Variants in CAMK1D observed in about 807,000 individuals in gnomAD.
CAMK1D encodes calcium/calmodulin-dependent protein kinase type 1D.
Under a neutral mutation model 47.7 loss-of-function variants are expected in CAMK1D, and 9 were observed. The ratio of observed to expected loss-of-function variants is 0.19; its 90% CI spans 0.11 to 0.33. The LOEUF (loss-of-function observed/expected upper bound fraction) is 0.33, where lower values mean the gene tolerates loss of function less well. CAMK1D is among the 10% of genes least tolerant of loss of function. The pLI is 1.00. For missense variants in CAMK1D, 291 were observed against 488.7 expected (o/e 0.60, Z 3.81); for synonymous variants, 184 against 184.9 (o/e 0.99, Z 0.04).
rs57291391 is a variant in CAMK1D at position 12,461,687 on chromosome 10, CAAAAA to C, written c.93-91522_93-91518del. On this transcript the variant is annotated intron_variant, in intron 1 of 10. Transcript: ENST00000619168. ...CTGGTGACAGAGCGAGGCTTCATCT[CAAAAA>C]AAAAAAAAAAAAAAAGAAGCTTTCA... Among the ~76,000 whole-genome samples the C allele has an allele frequency of 6.3e-3, 566 of 90,384 alleles. 2 individuals carry two copies. Among genetic ancestry groups the C allele is most frequent in the African/African-American group, 0.022 (540 of 24,470 alleles). 59.3% of individuals were successfully genotyped at this position (90,384 alleles called of 152,430 possible).
intron 3 of CAMK1D, among the ~76,000 whole-genome samples, chr10:12,744,724 C>G (rs1588877741): frequency 6.8e-6 from 1 of 146,306 alleles, no homozygotes; most frequent in East Asian, 2.0e-4. Flanking sequence ...GAGTTGGTCT[C>G]TACAAAAATA....
intron 1 of CAMK1D, among the ~76,000 whole-genome samples, chr10:12,476,075 C>T (rs375383070): frequency 4.6e-5 from 7 of 152,058 alleles, no homozygotes; most frequent in Non-Finnish European, 7.4e-5. Flanking sequence ...GGGCGGATCA[C>T]GAGTTCAGGA....
chr10:12,419,006 A>G (rs1304842836), intron 1 of CAMK1D, among the ~76,000 whole-genome samples: 1 of 152,178 alleles, frequency 6.6e-6, no homozygotes, highest in African/African-American at 2.4e-5. Flanking sequence ...GCCTGTTTCA[A>G]CATTGGTGCT....
At chr10:12,434,309 C>T (rs1286783798) in intron 1 of CAMK1D, among the ~76,000 whole-genome samples, 2 of 152,190 alleles carry the variant, frequency 1.3e-5, no homozygotes, top group Non-Finnish European at 2.9e-5. Context: ...ACTTGTGACC[C>T]CAGGTAAGCC....
chr10:12,355,806 C>T lies in CAMK1D; in HGVS notation c.92+5896C>T, dbSNP rs534500136. The stretch of plus-strand genomic sequence containing the variant: ...TGCTATATTCTAGGCACCGAGGAGA[C>T]GGCAGTGAGCAGACGAGAATGCCTG... On this transcript the variant is annotated intron_variant, in intron 1 of 10. Coordinates refer to ENST00000619168, the MANE Select transcript of CAMK1D (RefSeq NM_153498.4). Among the ~76,000 whole-genome samples the T allele has an allele frequency of 2.8e-4, 43 of 152,200 alleles. 1 individual carries two copies. The highest frequency in any genetic ancestry group is 9.6e-4 in the African/African-American group (40 of 41,524).
intron 1 of CAMK1D, among the ~76,000 whole-genome samples, chr10:12,490,058 AG>A (rs1427937671): frequency 6.6e-6 from 1 of 151,988 alleles, no homozygotes; most frequent in Admixed American, 6.6e-5. Context: ...GGAGCAGGGG[AG>A]GGCAAGGGTG....
chr10:12,824,979 C>G (rs1050187575), intron 9 of CAMK1D, among the ~76,000 whole-genome samples: 19 of 152,122 alleles, frequency 1.2e-4, no homozygotes, highest in Non-Finnish European at 2.2e-4. Flanking sequence ...ACTTCCTAAT[C>G]TCTTGATTAC....
intron 2 of CAMK1D, among the ~76,000 whole-genome samples, chr10:12,617,264 A>G (rs973600301): frequency 1.3e-5 from 2 of 152,196 alleles, no homozygotes; most frequent in Non-Finnish European, 2.9e-5. Context: ...AAAATGTTGT[A>G]ATTTTTTCAC....
At chr10:12,790,311 T>G (rs937853851) in intron 5 of CAMK1D, among the ~76,000 whole-genome samples, 3 of 152,304 alleles carry the variant, frequency 2.0e-5, no homozygotes, top group African/African-American at 7.2e-5. Context: ...AAGCAGGAAT[T>G]TCAGAGGGTA....
In CAMK1D at chr10:12,553,304, G is replaced by A; in HGVS notation, c.172G>A (p.Ala58Thr). Residue 58 changes from alanine (A) to threonine (T), a missense_variant, in exon 2 of 11, where the codon GCG (alanine) becomes ACG (threonine). By Grantham distance (58) the Ala-to-Thr change is moderately conservative. Coordinates refer to ENST00000619168, the MANE Select transcript of CAMK1D (RefSeq NM_153498.4). ...TGCTGTGAAGTGTATCCCTAAGAAG[G>A]CGCTGAAGGGCAAGGAAAGCAGCAT... ...LFAVKCIPKK[A>T]LKGKESSIEN... 6.2e-7 allele frequency: 1 copy of A among 1,614,170 alleles called. No individual in the cohort carries two copies. The highest frequency in any genetic ancestry group is 8.5e-7 in the Non-Finnish European group (1 of 1,180,038).
intron 2 of CAMK1D, among the ~76,000 whole-genome samples, chr10:12,658,657 C>A (rs1840186509): frequency 6.6e-6 from 1 of 152,078 alleles, no homozygotes; most frequent in South Asian, 2.1e-4. Context: ...GAGGAATGCA[C>A]CGGCAGACCC....
intron 2 of CAMK1D, among the ~76,000 whole-genome samples, chr10:12,642,452 A>G (rs1025968541): frequency 1.3e-5 from 2 of 152,248 alleles, no homozygotes; most frequent in South Asian, 2.1e-4. Flanking sequence ...GCTGCTGAGC[A>G]GTGGATTGTG....
chr10:12,552,641 A>G lies in CAMK1D; in HGVS notation c.93-584A>G, dbSNP rs1273008484. ...AGTGACGCCACTGTGTTGTGTGGCA[A>G]GTGGTACCGGGAGGTGGCCTAACTG... On this transcript the variant is annotated intron_variant, in intron 1 of 10. Coordinates refer to ENST00000619168, the MANE Select transcript of CAMK1D (RefSeq NM_153498.4). Among the ~76,000 whole-genome samples the G allele has an allele frequency of 4.6e-5, 7 of 152,336 alleles. No homozygotes were observed. The East Asian group carries it at 7.7e-4, about 17-fold the overall frequency.
At chr10:12,617,285 G>T (rs11257917) in intron 2 of CAMK1D, among the ~76,000 whole-genome samples, 54,393 of 152,086 alleles carry the variant, frequency 0.36, 11,866 homozygotes, top group Non-Finnish European at 0.46. Flanking sequence ...AACAAGAAAA[G>T]TAATGTGTAT....
chr10:12,394,101 A>G (rs934310982), intron 1 of CAMK1D, among the ~76,000 whole-genome samples: 2 of 152,156 alleles, frequency 1.3e-5, no homozygotes, highest in African/African-American at 4.8e-5. Context: ...CCATCCCAAC[A>G]CACGTTTGAT....
chr10:12,639,426 A>G (rs1839606134), intron 2 of CAMK1D, among the ~76,000 whole-genome samples: 1 of 152,232 alleles, frequency 6.6e-6, no homozygotes, highest in Non-Finnish European at 1.5e-5. Context: ...CGGAGGTTGC[A>G]GGGAGCCAAG....
chr10:12,565,619 T>C (rs1279912517), intron 2 of CAMK1D, among the ~76,000 whole-genome samples: 1 of 152,252 alleles, frequency 6.6e-6, no homozygotes, highest in Non-Finnish European at 1.5e-5. Flanking sequence ...TTAGTAAATG[T>C]ACCTTCAAGG....
chr10:12,485,876 G>A (rs1325276423), intron 1 of CAMK1D, among the ~76,000 whole-genome samples: 1 of 152,140 alleles, frequency 6.6e-6, no homozygotes, highest in East Asian at 1.9e-4. Context: ...AGCGCTGTTC[G>A]CTTAACAGAG....
At chr10:12,575,742 A>G (rs1014467931) in intron 2 of CAMK1D, among the ~76,000 whole-genome samples, 58 of 152,200 alleles carry the variant, frequency 3.8e-4, no homozygotes, top group Admixed American at 3.8e-3. Flanking sequence ...GGACCCCCCA[A>G]GAATTCGCGC....
Sources: gnomAD v4.1 joint callset for allele counts (sites outside exome capture counted in the v4.1 genomes callset) on GRCh38, gnomAD v4.1.1 for gene constraint, MANE v1.5 for transcripts, NCBI Gene and HGNC (gene_info 2026-07-23, HGNC 2026-07-21) for gene names.